The following SNX32 variants were observed in gnomAD, a reference collection of about 807,000 sequenced individuals.
SNX32 encodes sorting nexin-32.
In SNX32, 58 loss-of-function variants were observed where a neutral mutation model predicts 57.0. That is an observed-to-expected ratio of 1.02 (90% CI 0.82 to 1.27). SNX32 has a LOEUF of 1.27. Among genes scored for constraint, SNX32 ranks in the 50% most tolerant of loss-of-function variants. The pLI is 0.00. For missense variants in SNX32, 589 were observed against 541.2 expected (o/e 1.09, Z -0.88); for synonymous variants, 262 against 220.4 (o/e 1.19, Z -1.67).
intron 1 of SNX32, among the ~76,000 whole-genome samples, chr11:65,847,306 T>TA (rs988943946): frequency 6.6e-6 from 1 of 151,552 alleles, no homozygotes; most frequent in African/African-American, 2.4e-5. Flanking sequence ...ACAGCACTTT[T>TA]AAAAAAAAAT....
intron 11 of SNX32, 32 bp from the exon 12 acceptor site, chr11:65,852,841 C>A (rs779009523): frequency 6.2e-7 from 1 of 1,613,872 alleles, no homozygotes; most frequent in South Asian, 1.1e-5. Context: ...CTGCCCTGCC[C>A]GGATCCCCAT....
In SNX32 at chr11:65,850,824, A is replaced by C; in HGVS notation, c.572A>C (p.Glu191Ala). 2 of 1,614,034 alleles carry C rather than the reference A, an allele frequency of 1.2e-6. No individual in the cohort carries two copies. The highest frequency in any genetic ancestry group is 1.7e-6 in the Non-Finnish European group (2 of 1,179,968). The change falls in exon 6 of 13, where the codon GAA becomes GCA. Residue 191 changes from glutamate to alanine, a missense_variant. Coordinates refer to ENST00000308342, the MANE Select transcript of SNX32 (RefSeq NM_152760.3). ...AGGAATATTGTGAAGTCCGCGGATG[A>C]AGCCCTCATCACGGGCATGTCAGGG... ...FLRNIVKSAD[E>A]ALITGMSGLK... is the part of the protein sequence containing the mutation.
chr11:65,837,167 G>A (rs1050473421), intron 1 of SNX32, among the ~76,000 whole-genome samples: 3 of 151,796 alleles, frequency 2.0e-5, no homozygotes, highest in Admixed American at 2.0e-4. Context: ...AAAACAGATG[G>A]GACAAAGAGA....
intron 1 of SNX32, among the ~76,000 whole-genome samples, chr11:65,839,247 T>TTTTTTTTTTTTTTTTTTTTTTA: frequency 1.1e-5 from 1 of 88,072 alleles, no homozygotes; most frequent in Non-Finnish European, 2.3e-5. Context: ...TTTTTTTTTT[T>TTTTTTTTTTTTTTTTTTTTTTA]GAGACGGAGT....
chr11:65,837,819 A>C (rs1342821506), intron 1 of SNX32, among the ~76,000 whole-genome samples: 1 of 146,640 alleles, frequency 6.8e-6, no homozygotes, highest in African/African-American at 2.6e-5. Flanking sequence ...GACTCTCTCA[A>C]AAAAAAAAAA....
chr11:65,841,566 TGAA>T (rs1233039457), intron 1 of SNX32, among the ~76,000 whole-genome samples: 1 of 151,982 alleles, frequency 6.6e-6, no homozygotes, highest in Non-Finnish European at 1.5e-5. Context: ...AATTAGAAGA[TGAA>T]ACTTTTTAAA....
chr11:65,853,626 T>G lies in SNX32; in HGVS notation c.*291T>G. 2.0e-6 allele frequency: 1 copy of G among 507,886 alleles called. No homozygotes were observed. The allele number at this position is 507,886 out of a possible 1,614,324, so 31.5% of individuals were successfully genotyped here. On this transcript the variant is annotated 3_prime_UTR_variant, in exon 13 of 13. Transcript: ENST00000308342. Reference sequence around the variant, plus strand: ...GAGGAACAGCCTCTACCCTCACCCATAGCCCTGAAGGAATCATAGCTCACT... The same window carrying G: ...GAGGAACAGCCTCTACCCTCACCCAGAGCCCTGAAGGAATCATAGCTCACT...
chr11:65,834,511 TC>T (rs201529815), intron 1 of SNX32, among the ~76,000 whole-genome samples: 2,358 of 150,956 alleles, frequency 0.016, 66 homozygotes, highest in African/African-American at 0.055. Context: ...TGCGTGCATG[TC>T]TGTGTCTGTC....
intron 1 of SNX32, among the ~76,000 whole-genome samples, chr11:65,834,833 T>C (rs1858618639): frequency 6.8e-6 from 1 of 147,594 alleles, no homozygotes; most frequent in Non-Finnish European, 1.5e-5. Flanking sequence ...TGTGTGTGTG[T>C]CTGTGTATTT....
chr11:65,848,078 C>G (rs1859051416), intron 1 of SNX32, among the ~76,000 whole-genome samples: 1 of 152,146 alleles, frequency 6.6e-6, no homozygotes, highest in African/African-American at 2.4e-5. Flanking sequence ...CAAGCAAGGT[C>G]TTGCCTGTTT....
In SNX32 at chr11:65,845,459, G is replaced by A. The variant is rs140319164; in HGVS notation, c.37-4019G>A. Among the ~76,000 whole-genome samples the A allele has an allele frequency of 9.7e-3, 1,459 of 150,634 alleles. 23 individuals carry two copies. The highest frequency in any genetic ancestry group is 0.033 in the African/African-American group (1,353 of 40,984). On this transcript the variant is annotated intron_variant, in intron 1 of 12. Transcript: ENST00000308342. ...TCTCAAAAAAAAAAAAAAAGTAACC[G>A]GTTGCAGTGGCTCACGCCTGTAATC...
chr11:65,850,708 G>T, intron 5 of SNX32, 43 bp from the exon 6 acceptor site: 1 of 1,592,580 alleles, frequency 6.3e-7, no homozygotes, highest in South Asian at 1.1e-5. Flanking sequence ...GGTGGGAGGT[G>T]AGAACGCCCA....
At chr11:65,846,215 G>A (rs992595059) in intron 1 of SNX32, among the ~76,000 whole-genome samples, 1 of 152,178 alleles carries the variant, frequency 6.6e-6, no homozygotes, top group Non-Finnish European at 1.5e-5. Context: ...AGGTTGCAGT[G>A]AGTTGAGATC....
At position 65,847,276 on chromosome 11, in the gene SNX32, C is replaced by T. The variant is rs376339142; in HGVS notation, c.37-2202C>T. Reference sequence around the variant, plus strand: ...TCAAGCAATTCTCCTGCCTCAGCCTCTCTCCCAAAGTGCTGGATTACAGCA... The same window carrying T: ...TCAAGCAATTCTCCTGCCTCAGCCTTTCTCCCAAAGTGCTGGATTACAGCA... On this transcript the variant is annotated intron_variant, in intron 1 of 12. Transcript: ENST00000308342. Among the ~76,000 whole-genome samples the T allele has an allele frequency of 4.2e-4, 64 of 152,138 alleles. 1 individual carries two copies. In the South Asian group the frequency reaches 0.012, roughly 29 times the overall value.
chr11:65,851,808 C>T, intron 9 of SNX32, 129 bp downstream of exon 9: 1 of 1,001,028 alleles, frequency 1.0e-6, no homozygotes, highest in South Asian at 1.3e-5. Flanking sequence ...GCAAGTTGGG[C>T]TTACACTCCA....
In SNX32 at chr11:65,839,258, C is replaced by T. The variant is rs1304217010; in HGVS notation, c.36+5157C>T. ...TTTTTTTTTTTTTTTGAGACGGAGT[C>T]TCGCTCTGTCGCCCAGGCTGGAGTG... On this transcript the variant is annotated intron_variant, in intron 1 of 12. Coordinates refer to ENST00000308342, the MANE Select transcript of SNX32 (RefSeq NM_152760.3). 2.7e-3 allele frequency among the ~76,000 whole-genome samples: 26 copies of T among 9,468 alleles called. No homozygotes were observed. The East Asian group carries it at 0.051, about 19-fold the overall frequency. The allele number at this position is 9,468 out of a possible 152,430, so 6.2% of individuals were successfully genotyped here. A position where few individuals can be genotyped will look rare whatever the true frequency, so the allele number is the denominator to read the frequency against.
At position 65,852,481 on chromosome 11, in the gene SNX32, T is replaced by C. The variant is rs752491673; in HGVS notation, c.842T>C (p.Val281Ala). ...FERLRKLEGR[V>A]ASDEDLKLSD... ...CTGATGCAGAAGCTGGAGGGCCGGG[T>C]GGCTTCCGATGAGGACCTGAAGCTG... Residue 281 changes from valine to alanine, a missense_variant, in exon 10 of 13, where the codon GTG becomes GCG. Transcript: ENST00000308342. The C allele has an allele frequency of 1.2e-6, 2 of 1,614,044 alleles. No homozygotes were observed. Among genetic ancestry groups the C allele is most frequent in the East Asian group, 2.2e-5 (1 of 44,870 alleles).
intron 2 of SNX32, 32 bp from the exon 3 acceptor site, chr11:65,849,888 G>C: frequency 6.6e-7 from 1 of 1,524,514 alleles, no homozygotes; most frequent in Admixed American, 2.0e-5. Flanking sequence ...TTGGGGCAGA[G>C]AGAGGACCTC....
chr11:65,850,110 G>A (rs753671688), intron 3 of SNX32, 40 bp from the exon 4 acceptor site: 8 of 1,614,206 alleles, frequency 5.0e-6, no homozygotes, highest in South Asian at 4.4e-5. Flanking sequence ...GGCCGTCTCG[G>A]CAGTGAGAGG....
Sources: gnomAD v4.1 joint callset for allele counts (sites outside exome capture counted in the v4.1 genomes callset) on GRCh38, gnomAD v4.1.1 for gene constraint, MANE v1.5 for transcripts, NCBI Gene and HGNC (gene_info 2026-07-23, HGNC 2026-07-21) for gene names.